Variants in PRTG observed in about 807,000 individuals in gnomAD.
PRTG encodes protogenin, also known as immunoglobulin superfamily, DCC subclass, member 5.
Under a neutral mutation model 122.5 loss-of-function variants are expected in PRTG, and 67 were observed. The observed-to-expected ratio is 0.55, with a 90% CI of 0.45 to 0.67. The LOEUF is 0.67. PRTG is among the 30% of genes least tolerant of loss of function. The probability of loss-of-function intolerance (pLI) is 0.00; values close to 1 mark genes in which losing one functional copy is unlikely to be tolerated. For synonymous variants in PRTG, 554 were observed against 501.1 expected (o/e 1.11, Z -1.41); for missense variants, 1,435 against 1,415.4 (o/e 1.01, Z -0.22).
At chr15:55,621,697 T>C (rs1246890273) in intron 18 of PRTG, among the ~76,000 whole-genome samples, 2 of 152,070 alleles carry the variant, frequency 1.3e-5, no homozygotes, top group Non-Finnish European at 2.9e-5. Flanking sequence ...TAGTACAACA[T>C]AGTCAAGGTA....
At chr15:55,681,875 T>A (rs555205029) in intron 4 of PRTG, among the ~76,000 whole-genome samples, 1 of 152,202 alleles carries the variant, frequency 6.6e-6, no homozygotes, top group African/African-American at 2.4e-5. Context: ...GCCCTCAGTA[T>A]CTGTGGGTTG....
chr15:55,619,831 T>C lies in PRTG; in HGVS notation c.*181A>G. ...CCTGTTCATTGTCCTTCGAACAGAT[T>C]TAATGGTGAGAATACCTGAGCATGG... On this transcript the variant is annotated 3_prime_UTR_variant, in exon 20 of 20. Coordinates refer to ENST00000389286, the MANE Select transcript of PRTG (RefSeq NM_173814.6). 2 of 1,007,818 alleles carry C rather than the reference T, an allele frequency of 2.0e-6. No individual in the cohort carries two copies. Among genetic ancestry groups the C allele is most frequent in the Non-Finnish European group, 2.8e-6 (2 of 705,148 alleles). The allele number at this position is 1,007,818 out of a possible 1,614,324, so 62.4% of individuals were successfully genotyped here. A position where few individuals can be genotyped will look rare whatever the true frequency, so the allele number is the denominator to read the frequency against.
At chr15:55,697,532 G>C (rs531627264) in intron 2 of PRTG, among the ~76,000 whole-genome samples, 3 of 152,268 alleles carry the variant, frequency 2.0e-5, no homozygotes, top group African/African-American at 7.2e-5. Context: ...GTTTGTTTGA[G>C]ATGGAGTCTT....
At chr15:55,665,268 G>A (rs1031454525) in intron 11 of PRTG, among the ~76,000 whole-genome samples, 7 of 151,594 alleles carry the variant, frequency 4.6e-5, no homozygotes, top group African/African-American at 1.7e-4. Flanking sequence ...TCAAAAAAAA[G>A]AAAAAGAAGA....
chr15:55,628,780 T>C (rs750899906), intron 16 of PRTG, 42 bp downstream of exon 16: 13 of 1,511,558 alleles, frequency 8.6e-6, no homozygotes, highest in South Asian at 1.3e-5. Flanking sequence ...AGAACACTTT[T>C]TTTCTTAAGA....
At position 55,620,095 on chromosome 15, in the gene PRTG, C is replaced by T. The variant is rs965676506; in HGVS notation, c.3370G>A (p.Gly1124Arg). The T allele has an allele frequency of 1.2e-6, 2 of 1,614,182 alleles. No individual in the cohort carries two copies. Among genetic ancestry groups the T allele is most frequent in the South Asian group, 2.2e-5 (2 of 91,080 alleles). Residue 1124 changes from glycine to arginine, a missense_variant, in exon 20 of 20, where the codon GGG becomes AGG. Coordinates refer to ENST00000389286, the MANE Select transcript of PRTG (RefSeq NM_173814.6). The stretch of plus-strand genomic sequence containing the variant: ...TCATGAGAAAACCGCCCAGAATCCC[C>T]AGTCTCATGGCTGCCTTCACTATTT... ...SANSEGSHET[G>R]DSGRFSHESN... is the part of the protein sequence containing the mutation.
chr15:55,620,595 T>C, intron 19 of PRTG, 68 bp downstream of exon 19: 1 of 1,525,036 alleles, frequency 6.6e-7, no homozygotes, highest in Non-Finnish European at 8.8e-7. Context: ...ATTCACATTT[T>C]CCTCTTTTTA....
chr15:55,733,301 G>C (rs1361303713), intron 2 of PRTG, among the ~76,000 whole-genome samples: 6 of 151,882 alleles, frequency 4.0e-5, no homozygotes, highest in Non-Finnish European at 8.8e-5. Context: ...ACCTGAGGTT[G>C]GGAGTTCGAG....
chr15:55,653,630 A>G (rs1265909860), intron 11 of PRTG, among the ~76,000 whole-genome samples: 1 of 151,990 alleles, frequency 6.6e-6, no homozygotes, highest in African/African-American at 2.4e-5. Flanking sequence ...AGCCCAGCTA[A>G]TTTTTGTACT....
chr15:55,724,629 C>A (rs549252812), intron 2 of PRTG, among the ~76,000 whole-genome samples: 9 of 151,986 alleles, frequency 5.9e-5, no homozygotes, highest in South Asian at 2.1e-4. Flanking sequence ...TGTGGTGGTG[C>A]ATGCCTGTAA....
chr15:55,717,356 G>A lies in PRTG; in HGVS notation c.397+23026C>T, dbSNP rs1384158125. On this transcript the variant is annotated intron_variant, in intron 2 of 19. Transcript: ENST00000389286. The stretch of plus-strand genomic sequence containing the variant: ...TGTTAGTTGTCAATGATTTTAAGAA[G>A]CCTCAGGAAGAAAAGGCTTTCTCTT... 2.6e-5 allele frequency among the ~76,000 whole-genome samples: 4 copies of A among 152,176 alleles called. No individual in the cohort carries two copies. The East Asian group carries it at 7.7e-4, about 29-fold the overall frequency.
intron 11 of PRTG, among the ~76,000 whole-genome samples, chr15:55,642,167 C>G (rs1438859497): frequency 1.8e-5 from 2 of 110,138 alleles, no homozygotes; most frequent in African/African-American, 4.7e-5. Flanking sequence ...GGCGACAGAG[C>G]GAGACTCCGT....
rs377520581 is a variant in PRTG at position 55,639,849 on chromosome 15, A to T, written c.2138-21T>A. ...AACAGCTATTGAGAAAAACAATGTT[A>T]ATTTACGATACGACATAACATTTTA... is the stretch of plus-strand genomic sequence containing the variant. On this transcript the variant is annotated intron_variant, in intron 12 of 19. Coordinates refer to ENST00000389286, the MANE Select transcript of PRTG (RefSeq NM_173814.6). 6.8e-6 allele frequency: 11 copies of T among 1,612,154 alleles called. No homozygotes were observed. In the South Asian group the frequency reaches 1.2e-4, roughly 18 times the overall value.
At position 55,618,465 on chromosome 15, in the gene PRTG, C is replaced by G. The variant is rs374240627; in HGVS notation, c.*1547G>C. On this transcript the variant is annotated 3_prime_UTR_variant, in exon 20 of 20. Transcript: ENST00000389286. Reference sequence around the variant, plus strand: ...AAGGATATGGGACCCCTTCTCTACACGCGTTTAGTTCTTTATCCTCTCCCA... The same window carrying G: ...AAGGATATGGGACCCCTTCTCTACAGGCGTTTAGTTCTTTATCCTCTCCCA... The G allele has an allele frequency of 6.6e-6, 1 of 152,166 alleles. No homozygotes were observed. The highest frequency in any genetic ancestry group is 1.5e-5 in the Non-Finnish European group (1 of 68,042). The allele number at this position is 152,166 out of a possible 1,614,324, so 9.4% of individuals were successfully genotyped here.
In PRTG at chr15:55,619,218, G is replaced by C. The variant is rs2059153732; in HGVS notation, c.*794C>G. The C allele has an allele frequency of 6.6e-6, 1 of 152,062 alleles. No individual in the cohort carries two copies. Among genetic ancestry groups the C allele is most frequent in the Non-Finnish European group, 1.5e-5 (1 of 68,022 alleles). The allele number at this position is 152,062 out of a possible 1,614,324, so 9.4% of individuals were successfully genotyped here. ...CAGACTCTAATGCCCAAAACATAAA[G>C]GCCTTTTAAGCAAAATGATCCCTAC... On this transcript the variant is annotated 3_prime_UTR_variant, in exon 20 of 20. Coordinates refer to ENST00000389286, the MANE Select transcript of PRTG (RefSeq NM_173814.6).
At position 55,673,824 on chromosome 15, in the gene PRTG, C is replaced by G; in HGVS notation, c.1547-148G>C. On this transcript the variant is annotated intron_variant, in intron 9 of 19. Coordinates refer to ENST00000389286, the MANE Select transcript of PRTG (RefSeq NM_173814.6). The stretch of plus-strand genomic sequence containing the variant: ...CAGAGGTTTTCAGTGAAACAGAGTA[C>G]AAACCAGAAAAAAGAAGAAAAAATA... The G allele has an allele frequency of 6.4e-6, 4 of 626,902 alleles. No individual in the cohort carries two copies. The South Asian group carries it at 8.5e-5, about 13-fold the overall frequency. The allele number at this position is 626,902 out of a possible 1,614,324, so 38.8% of individuals were successfully genotyped here.
intron 11 of PRTG, among the ~76,000 whole-genome samples, chr15:55,653,254 C>T (rs990330649): frequency 3.3e-5 from 5 of 152,000 alleles, no homozygotes; most frequent in African/African-American, 9.7e-5. Flanking sequence ...GGAAGCTGAC[C>T]AGTAGAGTAC....
At chr15:55,713,462 T>G (rs1197481871) in intron 2 of PRTG, among the ~76,000 whole-genome samples, 3 of 152,240 alleles carry the variant, frequency 2.0e-5, no homozygotes, top group Non-Finnish European at 4.4e-5. Context: ...GGCAAGAGTT[T>G]TCCTATGCTA....
intron 11 of PRTG, among the ~76,000 whole-genome samples, chr15:55,659,648 G>A (rs992397507): frequency 9.9e-5 from 15 of 152,064 alleles, no homozygotes; most frequent in African/African-American, 3.1e-4. Flanking sequence ...TGATTAGGCC[G>A]GGCGCAGTGG....
Sources: gnomAD v4.1 joint callset for allele counts (sites outside exome capture counted in the v4.1 genomes callset) on GRCh38, gnomAD v4.1.1 for gene constraint, MANE v1.5 for transcripts, NCBI Gene and HGNC (gene_info 2026-07-23, HGNC 2026-07-21) for gene names.